IL1RAPL2: variants seen among roughly 807,000 people sequenced by gnomAD.
IL1RAPL2 encodes X-linked interleukin-1 receptor accessory protein-like 2.
A neutral mutation model predicts 44.1 loss-of-function variants in IL1RAPL2; 3 were observed. That is an observed-to-expected ratio of 0.07 (90% CI 0.03 to 0.18). The LOEUF (loss-of-function observed/expected upper bound fraction) is 0.18. IL1RAPL2 is among the 10% of genes least tolerant of loss of function. The pLI is 1.00. For synonymous variants in IL1RAPL2, 181 were observed against 178.8 expected (o/e 1.01, Z -0.10); for missense variants, 391 against 496.4 (o/e 0.79, Z 2.02).
chrX:104,724,207 T>C lies in IL1RAPL2; in HGVS notation c.82+65212T>C, dbSNP rs142182285. Among the ~76,000 whole-genome samples, 86 of 111,331 alleles carry C rather than the reference T, an allele frequency of 7.7e-4. No homozygotes were observed. The East Asian group carries it at 0.014, about 18-fold the overall frequency. ...ATTGGATAATATGGAGCTACAGAGA[T>C]TAGTAAACTGATAAATAGTCTGAGG... On this transcript the variant is annotated intron_variant, in intron 2 of 10. Coordinates refer to ENST00000372582, the MANE Select transcript of IL1RAPL2 (RefSeq NM_017416.2).
intron 5 of IL1RAPL2, among the ~76,000 whole-genome samples, chrX:105,342,864 T>A (rs1292420448): frequency 3.6e-5 from 4 of 111,698 alleles, no homozygotes; most frequent in African/African-American, 1.3e-4. Flanking sequence ...GGCAATTTGG[T>A]CTGATACTAT....
At chrX:104,608,224 G>A (rs908899453) in intron 1 of IL1RAPL2, among the ~76,000 whole-genome samples, 1 of 110,069 alleles carries the variant, frequency 9.1e-6, no homozygotes, top group African/African-American at 3.3e-5. Flanking sequence ...CACTGGGCCA[G>A]TCAGGGGGTG....
intron 2 of IL1RAPL2, among the ~76,000 whole-genome samples, chrX:105,018,766 C>T (rs58489901): frequency 0.021 from 2,307 of 111,415 alleles, 55 homozygotes; most frequent in African/African-American, 0.071. Context: ...TGGAAAAATA[C>T]GAAAGAAAGG....
chrX:104,623,972 A>G (rs1235509664), intron 1 of IL1RAPL2, among the ~76,000 whole-genome samples: 2 of 111,847 alleles, frequency 1.8e-5, no homozygotes, highest in Non-Finnish European at 3.8e-5. Context: ...AAACAAGAGA[A>G]GTCCTCAACT....
At chrX:105,721,496 A>G (rs1053165727) in intron 7 of IL1RAPL2, among the ~76,000 whole-genome samples, 1 of 111,772 alleles carries the variant, frequency 8.9e-6, no homozygotes, top group African/African-American at 3.3e-5. Context: ...TTTGCGTACT[A>G]TCCCTTTTGT....
intron 2 of IL1RAPL2, among the ~76,000 whole-genome samples, chrX:105,088,729 T>C (rs1247618586): frequency 9.0e-6 from 1 of 111,637 alleles, no homozygotes; most frequent in Non-Finnish European, 1.9e-5. Flanking sequence ...ACCCACTTAT[T>C]GGTGCCAGTT....
intron 2 of IL1RAPL2, among the ~76,000 whole-genome samples, chrX:105,066,736 T>C (rs1214140431): frequency 8.9e-6 from 1 of 111,872 alleles, no homozygotes; most frequent in Non-Finnish European, 1.9e-5. Flanking sequence ...TTCTTCATCA[T>C]GAAGGAGGCA....
intron 2 of IL1RAPL2, among the ~76,000 whole-genome samples, chrX:104,944,571 T>C (rs773934610): frequency 6.3e-5 from 7 of 111,781 alleles, no homozygotes; most frequent in Non-Finnish European, 1.1e-4. Context: ...CAGAGTCTCA[T>C]TAGTCTAAAT....
chrX:104,803,087 G>A (rs1161481228), intron 2 of IL1RAPL2, among the ~76,000 whole-genome samples: 1 of 111,813 alleles, frequency 8.9e-6, no homozygotes, highest in Non-Finnish European at 1.9e-5. Context: ...GTTGCCTGCT[G>A]TTGGGGAGGA....
chrX:105,313,073 G>A (rs373709631), intron 5 of IL1RAPL2, among the ~76,000 whole-genome samples: 1 of 111,564 alleles, frequency 9.0e-6, no homozygotes, highest in African/African-American at 3.3e-5. Flanking sequence ...CACTGACATT[G>A]TCAGAATTTA....
intron 6 of IL1RAPL2, among the ~76,000 whole-genome samples, chrX:105,497,313 C>T (rs2036362984): frequency 9.0e-6 from 1 of 110,807 alleles, no homozygotes; most frequent in South Asian, 3.8e-4. Flanking sequence ...ATACATACAA[C>T]CTACCAACCT....
At chrX:105,657,811 C>T (rs2147845768) in intron 6 of IL1RAPL2, among the ~76,000 whole-genome samples, 1 of 110,644 alleles carries the variant, frequency 9.0e-6, no homozygotes, top group South Asian at 3.9e-4. Context: ...GATGGGGTTT[C>T]ACCATGTTGG....
chrX:104,738,872 T>G (rs982764257), intron 2 of IL1RAPL2, among the ~76,000 whole-genome samples: 3 of 112,077 alleles, frequency 2.7e-5, no homozygotes, highest in Non-Finnish European at 5.6e-5. Context: ...CCCTGGAGTT[T>G]GAGGCTGCAG....
chrX:105,399,952 T>C (rs1332627325), intron 5 of IL1RAPL2, among the ~76,000 whole-genome samples: 1 of 110,712 alleles, frequency 9.0e-6, no homozygotes, highest in Non-Finnish European at 1.9e-5. Context: ...TAATCTGGGA[T>C]CTGAAAGACA....
At chrX:104,604,690 A>T (rs1326999495) in intron 1 of IL1RAPL2, among the ~76,000 whole-genome samples, 2 of 109,092 alleles carry the variant, frequency 1.8e-5, no homozygotes, top group Non-Finnish European at 3.8e-5. Flanking sequence ...GATAAAACAG[A>T]CTTTAAACCT....
intron 4 of IL1RAPL2, among the ~76,000 whole-genome samples, chrX:105,262,902 T>C (rs186236455): frequency 1.6e-3 from 180 of 110,634 alleles, no homozygotes; most frequent in Admixed American, 3.0e-3. Flanking sequence ...TTTTTTCTTT[T>C]GAGATGGAGT....
At chrX:105,233,161 G>A (rs1556197617) in intron 3 of IL1RAPL2, among the ~76,000 whole-genome samples, 1 of 111,238 alleles carries the variant, frequency 9.0e-6, no homozygotes, top group Non-Finnish European at 1.9e-5. Flanking sequence ...GCGGGTGCCT[G>A]TAGTTCCAGC....
intron 1 of IL1RAPL2, among the ~76,000 whole-genome samples, chrX:104,624,651 T>G (rs760027422): frequency 8.9e-6 from 1 of 112,084 alleles, no homozygotes; most frequent in South Asian, 3.7e-4. Context: ...CCCACTGTCC[T>G]TACTTCCAGA....
At chrX:105,374,846 G>T (rs1347355914) in intron 5 of IL1RAPL2, among the ~76,000 whole-genome samples, 2 of 106,573 alleles carry the variant, frequency 1.9e-5, no homozygotes, top group African/African-American at 6.9e-5. Context: ...TACTTGGGAG[G>T]CTGAGGCAGG....
Sources: gnomAD v4.1 joint callset for allele counts (sites outside exome capture counted in the v4.1 genomes callset) on GRCh38, gnomAD v4.1.1 for gene constraint, MANE v1.5 for transcripts, NCBI Gene and HGNC (gene_info 2026-07-23, HGNC 2026-07-21) for gene names.